Variants in SV2C observed in about 807,000 individuals in gnomAD.
The protein encoded by SV2C is solute carrier family 22 member B3.
SV2C carries 49 observed loss-of-function variants against 79.7 expected under a neutral mutation model. That is an observed-to-expected ratio of 0.61 (90% CI 0.49 to 0.78). SV2C has a LOEUF of 0.78. SV2C is among the 30% of genes least tolerant of loss of function. The pLI is 0.00. For missense variants in SV2C, 833 were observed against 912.9 expected (o/e 0.91, Z 1.13); for synonymous variants, 334 against 333.2 (o/e 1.00, Z -0.03).
At chr5:76,061,424 G>A in the SV2C span, among the ~76,000 whole-genome samples, 30 of 152,080 alleles carry the variant, frequency 2.0e-4, no homozygotes, top group African/African-American at 4.8e-4. Context: ...GAATCACTGC[G>A]TTACCTTTGT....
chr5:75,919,947 A>C, the SV2C span, among the ~76,000 whole-genome samples: 25 of 152,364 alleles, frequency 1.6e-4, no homozygotes, highest in East Asian at 4.0e-3. Flanking sequence ...CCTGTTGGAC[A>C]AAGCTGAAGT....
At chr5:76,163,856 T>A (rs1283229406) in intron 2 of SV2C, among the ~76,000 whole-genome samples, 1 of 152,202 alleles carries the variant, frequency 6.6e-6, no homozygotes, top group Admixed American at 6.5e-5. Context: ...TGAGTTTCCA[T>A]AAACTCAGGC....
At chr5:76,344,117 T>G (rs1226669650) in intron 12 of SV2C, among the ~76,000 whole-genome samples, 1 of 152,210 alleles carries the variant, frequency 6.6e-6, no homozygotes, top group Non-Finnish European at 1.5e-5. Flanking sequence ...CTTTCTAGCA[T>G]TCACACATCC....
chr5:75,879,624 A>G, the SV2C span, among the ~76,000 whole-genome samples: 6 of 152,280 alleles, frequency 3.9e-5, no homozygotes, highest in South Asian at 6.2e-4. Flanking sequence ...TGCCAATCAC[A>G]TGTCTGCTCT....
At position 76,162,078 on chromosome 5, in the gene SV2C, G is replaced by GA. The variant is rs146644967; in HGVS notation, c.580+29758dup. 2.3e-3 allele frequency among the ~76,000 whole-genome samples: 332 copies of GA among 145,758 alleles called. 11 individuals carry two copies. The East Asian group carries it at 0.061, about 27-fold the overall frequency. On this transcript the variant is annotated intron_variant, in intron 2 of 12. Coordinates refer to ENST00000502798, the MANE Select transcript of SV2C (RefSeq NM_014979.4). ...GCTCTTGGATAAGTTTGGCTTAGAA[G>GA]AAAAAAAAAAGCTATTTTCAGAGTA...
chr5:75,898,331 G>A, the SV2C span, among the ~76,000 whole-genome samples: 1 of 152,074 alleles, frequency 6.6e-6, no homozygotes, highest in Non-Finnish European at 1.5e-5. Flanking sequence ...ATAATCATGT[G>A]GTTTTTGTCT....
At chr5:76,098,876 C>T (rs1157254780) in intron 1 of SV2C, among the ~76,000 whole-genome samples, 1 of 152,158 alleles carries the variant, frequency 6.6e-6, no homozygotes, top group Non-Finnish European at 1.5e-5. Flanking sequence ...TACGGGCTGA[C>T]ATCAGCAAAA....
chr5:76,318,366 C>G (rs367971551), intron 12 of SV2C, among the ~76,000 whole-genome samples: 6 of 151,220 alleles, frequency 4.0e-5, no homozygotes, highest in African/African-American at 1.5e-4. Context: ...TGCAGTGAGC[C>G]GAGATCGTGC....
the SV2C span, among the ~76,000 whole-genome samples, chr5:75,934,045 C>G: frequency 2.6e-5 from 4 of 152,160 alleles, no homozygotes; most frequent in African/African-American, 9.7e-5. Context: ...ACATTCAATT[C>G]TCATTTAATC....
intron 2 of SV2C, among the ~76,000 whole-genome samples, chr5:76,187,000 T>C (rs1449794605): frequency 6.6e-6 from 1 of 152,094 alleles, no homozygotes; most frequent in African/African-American, 2.4e-5. Context: ...TATCACCACT[T>C]TTCTCCCTCA....
At chr5:76,150,682 GGCTGGAGTGCA>G (rs1375762420) in intron 2 of SV2C, among the ~76,000 whole-genome samples, 1 of 117,904 alleles carries the variant, frequency 8.5e-6, no homozygotes, top group African/African-American at 3.3e-5. Flanking sequence ...CTGTTGCCCA[GGCTGGAGTGCA>G]GTGGCACAAT....
the SV2C span, chr5:75,911,821 G>A: frequency 3.5e-6 from 2 of 568,016 alleles, no homozygotes; most frequent in Non-Finnish European, 7.0e-6. Context: ...CAACCTCACA[G>A]CACCTGAACC....
intron 12 of SV2C, among the ~76,000 whole-genome samples, chr5:76,302,178 T>TTAAGTTAGA (rs1210742553): frequency 2.6e-5 from 4 of 152,156 alleles, no homozygotes; most frequent in Admixed American, 2.0e-4. Flanking sequence ...AGCCCACATT[T>TTAAGTTAGA]TAAGTGGCTA....
At chr5:75,902,908 G>A in the SV2C span, among the ~76,000 whole-genome samples, 1 of 152,216 alleles carries the variant, frequency 6.6e-6, no homozygotes, top group Non-Finnish European at 1.5e-5. Context: ...AGGGGAACTG[G>A]TGAGCAGGAT....
the SV2C span, among the ~76,000 whole-genome samples, chr5:75,880,022 C>G: frequency 1.3e-5 from 2 of 152,148 alleles, no homozygotes; most frequent in Non-Finnish European, 2.9e-5. Flanking sequence ...TATCTAGGGC[C>G]CTTTGAGCCA....
the SV2C span, among the ~76,000 whole-genome samples, chr5:75,870,612 T>C: frequency 6.6e-6 from 1 of 152,156 alleles, no homozygotes; most frequent in African/African-American, 2.4e-5. Flanking sequence ...GGGATAATAA[T>C]GGAGAACTTC....
intron 4 of SV2C, among the ~76,000 whole-genome samples, chr5:76,241,239 C>A (rs1745777686): frequency 7.0e-6 from 1 of 142,626 alleles, no homozygotes. Context: ...AAGATACTTT[C>A]CATAAACAAT....
the SV2C span, among the ~76,000 whole-genome samples, chr5:75,934,537 C>T: frequency 5.3e-5 from 8 of 152,176 alleles, no homozygotes; most frequent in South Asian, 6.2e-4. Context: ...CCACCTGCCT[C>T]GGCCTCCCAA....
the SV2C span, chr5:75,910,296 T>G: frequency 1.9e-6 from 1 of 521,150 alleles, no homozygotes. Flanking sequence ...TCCATGGTCC[T>G]CACACCCTGG....
Sources: allele counts gnomAD v4.1 joint callset (sites outside exome capture counted in the v4.1 genomes callset), GRCh38; gene constraint gnomAD v4.1.1; transcripts MANE v1.5; gene names NCBI Gene and HGNC (gene_info 2026-07-23, HGNC 2026-07-21).